The following GLT1D1 variants were observed in gnomAD, a reference collection of about 807,000 sequenced individuals.
GLT1D1 encodes glycosyltransferase 1 domain-containing protein 1.
GLT1D1 carries 21 observed loss-of-function variants against 28.7 expected under a neutral mutation model. That is an observed-to-expected ratio of 0.73 (90% CI 0.52 to 1.05). GLT1D1 has a LOEUF of 1.05. Ranked by LOEUF, GLT1D1 falls within the 50% of genes least tolerant of loss-of-function variation. The pLI is 0.00. For synonymous variants in GLT1D1, 147 were observed against 124.8 expected (o/e 1.18, Z -1.19); for missense variants, 343 against 330.6 (o/e 1.04, Z -0.29).
chr12:128,897,804 GACT>G (rs1869819917), intron 3 of GLT1D1, among the ~76,000 whole-genome samples: 1 of 152,060 alleles, frequency 6.6e-6, no homozygotes, highest in African/African-American at 2.4e-5. Context: ...GAGTAGCTGG[GACT>G]ACAGGCGCCC....
At chr12:128,943,295 T>C (rs1295916148) in intron 4 of GLT1D1, among the ~76,000 whole-genome samples, 1 of 152,212 alleles carries the variant, frequency 6.6e-6, no homozygotes, top group Non-Finnish European at 1.5e-5. Context: ...CTCATCTATT[T>C]ACTAACGACA....
In GLT1D1 at chr12:128,936,534, G is replaced by A. The variant is rs113842446; in HGVS notation, c.376-8792G>A. 8.2e-3 allele frequency among the ~76,000 whole-genome samples: 1,246 copies of A among 152,278 alleles called. 25 individuals are homozygous for A. Among genetic ancestry groups the A allele is most frequent in the African/African-American group, 0.029 (1,200 of 41,544 alleles). On this transcript the variant is annotated intron_variant, in intron 4 of 7. Transcript: ENST00000281703. Reference sequence around the variant, plus strand: ...GTTTTAGCTGCAGGATGGTTTGAGCGTGGCTTTGGTTTTCTATTAAAGCTT... The same window carrying A: ...GTTTTAGCTGCAGGATGGTTTGAGCATGGCTTTGGTTTTCTATTAAAGCTT...
At chr12:128,945,039 A>G (rs1242728315) in intron 4 of GLT1D1, 5 of 634,724 alleles carry the variant, frequency 7.9e-6, no homozygotes, top group East Asian at 5.5e-5. Flanking sequence ...GAGTGAGAAC[A>G]TGTAACAGGC....
At chr12:128,882,251 G>A (rs375806965) in intron 2 of GLT1D1, among the ~76,000 whole-genome samples, 42 of 151,490 alleles carry the variant, frequency 2.8e-4, no homozygotes, top group African/African-American at 9.9e-4. Context: ...TACACATTAC[G>A]GATATATTGC....
At chr12:128,924,802 G>C (rs1025424575) in intron 4 of GLT1D1, among the ~76,000 whole-genome samples, 13 of 152,140 alleles carry the variant, frequency 8.5e-5, no homozygotes, top group African/African-American at 2.9e-4. Context: ...GCAGTGGGGA[G>C]AGTGGGAAGC....
chr12:128,977,214 G>T (rs1463020922), intron 7 of GLT1D1, among the ~76,000 whole-genome samples: 1 of 152,146 alleles, frequency 6.6e-6, no homozygotes, highest in Non-Finnish European at 1.5e-5. Context: ...ACCTCAGGGG[G>T]ATGGAGCAGG....
chr12:128,864,023 G>A lies in GLT1D1; in HGVS notation c.68+10374G>A, dbSNP rs1385451041. On this transcript the variant is annotated intron_variant, in intron 1 of 7. Transcript: ENST00000281703. ...GACCCTGCGATGCTGTGGCAGCGGGGAGAGAAGAGCACTAGGGGGACTTCC... is the reference window on the plus strand; with the variant it reads ...GACCCTGCGATGCTGTGGCAGCGGGAAGAGAAGAGCACTAGGGGGACTTCC... The A allele has an allele frequency of 2.0e-5, 9 of 459,678 alleles. No individual in the cohort carries two copies. In the South Asian group the frequency reaches 3.4e-4, roughly 17 times the overall value. 28.5% of individuals were successfully genotyped at this position (459,678 alleles called of 1,614,324 possible). A position where few individuals can be genotyped will look rare whatever the true frequency, so the allele number is the denominator to read the frequency against.
At chr12:128,874,059 C>CCTTTCTTT (rs1194476491) in intron 1 of GLT1D1, among the ~76,000 whole-genome samples, 4 of 34,706 alleles carry the variant, frequency 1.2e-4, no homozygotes, top group African/African-American at 4.5e-4. Flanking sequence ...CTCCCTCCCT[C>CCTTTCTTT]CTTTCTTTCT....
At chr12:128,887,564 G>A (rs1301684622) in intron 2 of GLT1D1, among the ~76,000 whole-genome samples, 2 of 151,174 alleles carry the variant, frequency 1.3e-5, no homozygotes, top group African/African-American at 4.9e-5. Context: ...CAATGCACAA[G>A]TAAGTTGCTT....
intron 1 of GLT1D1, among the ~76,000 whole-genome samples, chr12:128,873,554 T>A (rs1956752605): frequency 6.6e-6 from 1 of 152,212 alleles, no homozygotes; most frequent in Non-Finnish European, 1.5e-5. Flanking sequence ...TGGAGTTATT[T>A]GGTCACAGGG....
At chr12:128,862,009 T>A (rs1031657540) in intron 1 of GLT1D1, among the ~76,000 whole-genome samples, 5 of 152,200 alleles carry the variant, frequency 3.3e-5, no homozygotes, top group African/African-American at 9.6e-5. Flanking sequence ...TTTGAAGATC[T>A]TGTTACTAAT....
chr12:128,955,860 AG>A (rs1877217807), intron 6 of GLT1D1, among the ~76,000 whole-genome samples: 1 of 151,836 alleles, frequency 6.6e-6, no homozygotes, highest in South Asian at 2.1e-4. Context: ...GTGATTGATA[AG>A]TCATCTGTGG....
chr12:128,928,010 A>AC (rs1566141039), intron 4 of GLT1D1, among the ~76,000 whole-genome samples: 4 of 149,364 alleles, frequency 2.7e-5, no homozygotes, highest in African/African-American at 9.9e-5. Context: ...AAAAAAAAAA[A>AC]AAAAAAAAAA....
At chr12:128,926,403 T>C (rs1873224837) in intron 4 of GLT1D1, 4 of 1,533,010 alleles carry the variant, frequency 2.6e-6, no homozygotes, top group South Asian at 1.2e-5. Flanking sequence ...TCTTCTGATA[T>C]GTGGACTTCG....
intron 2 of GLT1D1, among the ~76,000 whole-genome samples, chr12:128,881,638 C>T (rs1458930396): frequency 3.9e-5 from 4 of 103,744 alleles, no homozygotes; most frequent in Non-Finnish European, 7.6e-5. Context: ...ATTTATATAC[C>T]TATATAAATA....
intron 4 of GLT1D1, among the ~76,000 whole-genome samples, chr12:128,919,953 C>A (rs1048856703): frequency 1.0e-3 from 4 of 3,846 alleles, no homozygotes; most frequent in African/African-American, 1.5e-3. Flanking sequence ...TTCTCTCTCT[C>A]TCTCTCTCTC....
At chr12:128,886,397 T>C (rs1868388726) in intron 2 of GLT1D1, among the ~76,000 whole-genome samples, 1 of 152,046 alleles carries the variant, frequency 6.6e-6, no homozygotes, top group Non-Finnish European at 1.5e-5. Flanking sequence ...GAATAATTGC[T>C]CCCAGAGATG....
At position 128,914,936 on chromosome 12, in the gene GLT1D1, T is replaced by A. The variant is rs766997814; in HGVS notation, c.375+15649T>A. 5 of 1,536,030 alleles carry A rather than the reference T, an allele frequency of 3.3e-6. No homozygotes were observed. In the South Asian group the frequency reaches 5.9e-5, roughly 18 times the overall value. ...TTTTTTTGTTTCTTTGACCCAGGAA[T>A]TGCAACAACACCAAACGCCGCTTTT... On this transcript the variant is annotated intron_variant, in intron 4 of 7. Coordinates refer to ENST00000281703, the MANE Select transcript of GLT1D1 (RefSeq NM_144669.3).
intron 6 of GLT1D1, among the ~76,000 whole-genome samples, chr12:128,951,713 G>A (rs371339481): frequency 1.1e-4 from 17 of 152,190 alleles, no homozygotes; most frequent in Non-Finnish European, 1.9e-4. Flanking sequence ...GGCACCGCCC[G>A]TCTCCCTCAG....
Sources: allele counts gnomAD v4.1 joint callset (sites outside exome capture counted in the v4.1 genomes callset), GRCh38; gene constraint gnomAD v4.1.1; transcripts MANE v1.5; gene names NCBI Gene and HGNC (gene_info 2026-07-23, HGNC 2026-07-21).